Variants in NEGR1 observed in about 807,000 individuals in gnomAD.
NEGR1 encodes neuronal growth regulator 1, also known as IgLON family member 4.
In NEGR1, 10 loss-of-function variants were observed where a neutral mutation model predicts 40.9. That is an observed-to-expected ratio of 0.24 (90% CI 0.15 to 0.42). The LOEUF (loss-of-function observed/expected upper bound fraction) is 0.42, where lower values mean the gene tolerates loss of function less well. NEGR1 is among the 10% of genes least tolerant of loss of function. The pLI, the probability that NEGR1 is intolerant of heterozygous loss-of-function variation, is 1.00. For missense variants in NEGR1, 352 were observed against 438.9 expected (o/e 0.80, Z 1.77); for synonymous variants, 185 against 166.8 (o/e 1.11, Z -0.84).
At chr1:71,462,939 A>G (rs533389586) in intron 6 of NEGR1, among the ~76,000 whole-genome samples, 38 of 152,248 alleles carry the variant, frequency 2.5e-4, no homozygotes, top group Non-Finnish European at 4.7e-4. Context: ...ATAGTAAGAA[A>G]ATCGGATGAA....
At chr1:71,459,989 T>C (rs1216562980) in intron 6 of NEGR1, among the ~76,000 whole-genome samples, 2 of 152,218 alleles carry the variant, frequency 1.3e-5, no homozygotes, top group African/African-American at 4.8e-5. Context: ...ATTTGTATGA[T>C]TACTTCATTA....
At chr1:71,450,191 A>G (rs1250420928) in intron 6 of NEGR1, among the ~76,000 whole-genome samples, 2 of 151,546 alleles carry the variant, frequency 1.3e-5, no homozygotes, top group African/African-American at 4.8e-5. Context: ...GGGTTTCACC[A>G]TGTTGGTTAG....
chr1:71,913,880 C>A (rs1316682273), intron 2 of NEGR1, among the ~76,000 whole-genome samples: 1 of 149,274 alleles, frequency 6.7e-6, no homozygotes, highest in Non-Finnish European at 1.5e-5. Context: ...ACAGTGATAA[C>A]TAAGTACACT....
chr1:72,280,959 G>C (rs936875526), intron 1 of NEGR1, among the ~76,000 whole-genome samples: 10 of 152,118 alleles, frequency 6.6e-5, no homozygotes, highest in African/African-American at 2.4e-4. Flanking sequence ...GGAGGGTGAT[G>C]GGAAAGAAAT....
At chr1:71,873,068 A>G (rs949344739) in intron 2 of NEGR1, among the ~76,000 whole-genome samples, 2 of 151,288 alleles carry the variant, frequency 1.3e-5, no homozygotes, top group African/African-American at 4.9e-5. Flanking sequence ...CTAAACTGGA[A>G]AACGGTAGAA....
At chr1:72,207,271 A>T (rs889547601) in intron 1 of NEGR1, among the ~76,000 whole-genome samples, 2 of 151,912 alleles carry the variant, frequency 1.3e-5, no homozygotes, top group Non-Finnish European at 2.9e-5. Flanking sequence ...ATCTTATCTT[A>T]CTTCATAGGA....
At chr1:72,095,150 A>G (rs1271990212) in intron 1 of NEGR1, among the ~76,000 whole-genome samples, 1 of 152,158 alleles carries the variant, frequency 6.6e-6, no homozygotes, top group African/African-American at 2.4e-5. Context: ...TGTCTATATA[A>G]ATATCCATTA....
At chr1:71,422,680 A>G (rs1050885299) in intron 6 of NEGR1, 1 of 152,198 alleles carries the variant, frequency 6.6e-6, no homozygotes, top group Non-Finnish European at 1.5e-5. Flanking sequence ...GTAAAATGAA[A>G]TAAAACGTGG....
At chr1:72,022,542 T>C (rs12140429) in intron 1 of NEGR1, among the ~76,000 whole-genome samples, 1 of 150,186 alleles carries the variant, frequency 6.7e-6, no homozygotes, top group East Asian at 1.9e-4. Context: ...TTCATATATA[T>C]AAACACACAC....
At chr1:71,701,549 C>T (rs981715119) in intron 3 of NEGR1, among the ~76,000 whole-genome samples, 7 of 151,994 alleles carry the variant, frequency 4.6e-5, no homozygotes, top group African/African-American at 1.7e-4. Context: ...ACTGAGCCCA[C>T]CTGCCTAATC....
intron 1 of NEGR1, among the ~76,000 whole-genome samples, chr1:72,205,770 AAAAAAAAAAAAAAAT>A (rs1653374842): frequency 6.8e-6 from 1 of 147,960 alleles, no homozygotes; most frequent in African/African-American, 2.5e-5. Context: ...AAAAAAAAAA[AAAAAAAAAAAAAAAT>A]ACAAAAATTA....
At chr1:71,598,888 ATATT>A (rs1357914846) in intron 5 of NEGR1, among the ~76,000 whole-genome samples, 1 of 152,150 alleles carries the variant, frequency 6.6e-6, no homozygotes, top group Non-Finnish European at 1.5e-5. Context: ...AAGTTTTCAT[ATATT>A]TGTGTGATTT....
intron 2 of NEGR1, among the ~76,000 whole-genome samples, chr1:71,816,611 TG>T (rs1172328233): frequency 1.3e-5 from 2 of 152,014 alleles, no homozygotes; most frequent in Non-Finnish European, 2.9e-5. Context: ...TACCTCCCTC[TG>T]GGTCCCTCCC....
intron 4 of NEGR1, among the ~76,000 whole-genome samples, chr1:71,657,576 A>G (rs1270798786): frequency 6.6e-6 from 1 of 152,230 alleles, no homozygotes; most frequent in East Asian, 1.9e-4. Flanking sequence ...AGGAAAGCAT[A>G]TTTTAATAAT....
At position 71,430,767 on chromosome 1, in the gene NEGR1, C is replaced by A. The variant is rs1433448930; in HGVS notation, c.941-23197G>T. 2.2e-5 allele frequency among the ~76,000 whole-genome samples: 3 copies of A among 135,496 alleles called. No homozygotes were observed. In the South Asian group the frequency reaches 7.0e-4, roughly 32 times the overall value. The allele number at this position is 135,496 out of a possible 152,430, so 88.9% of individuals were successfully genotyped here. On this transcript the variant is annotated intron_variant, in intron 6 of 6. Coordinates refer to ENST00000357731, the MANE Select transcript of NEGR1 (RefSeq NM_173808.3). ...TGTCACCCAGGCTGGAGTGCAGTGG[C>A]GCGATCTCGGCTCACTGCAAGCTCC...
intron 6 of NEGR1, among the ~76,000 whole-genome samples, chr1:71,486,133 C>T (rs530623739): frequency 2.6e-5 from 4 of 151,686 alleles, no homozygotes; most frequent in African/African-American, 4.8e-5. Flanking sequence ...TTCTAGATTT[C>T]GGCCATTCTA....
chr1:71,806,142 T>C (rs1657762274), intron 2 of NEGR1, among the ~76,000 whole-genome samples: 3 of 152,138 alleles, frequency 2.0e-5, no homozygotes, highest in Non-Finnish European at 2.9e-5. Flanking sequence ...GCTTTTTCCA[T>C]TGGACAGGTT....
Position 71,905,864 on chromosome 1 carries a change from CA to C in NEGR1, c.409+29214del, listed in dbSNP as rs34891986. ...TGTTAAATTAATTGGGAGGTTGTTA[CA>C]AAAAAAAAAAAAAAAGAAAGGCTGA... On this transcript the variant is annotated intron_variant, in intron 2 of 6. Transcript: ENST00000357731. Among the ~76,000 whole-genome samples, 847 of 106,620 alleles carry C rather than the reference CA, an allele frequency of 7.9e-3. 2 individuals carry two copies. The highest frequency in any genetic ancestry group is 0.02 in the African/African-American group (478 of 23,940). 69.9% of individuals were successfully genotyped at this position (106,620 alleles called of 152,430 possible).
intron 1 of NEGR1, among the ~76,000 whole-genome samples, chr1:72,240,497 C>G: frequency 6.6e-6 from 1 of 151,686 alleles, no homozygotes; most frequent in East Asian, 1.9e-4. Flanking sequence ...TAAACAAGAT[C>G]CCAAGCATTT....
Sources: gnomAD v4.1 joint callset for allele counts (sites outside exome capture counted in the v4.1 genomes callset) on GRCh38, gnomAD v4.1.1 for gene constraint, MANE v1.5 for transcripts, NCBI Gene and HGNC (gene_info 2026-07-23, HGNC 2026-07-21) for gene names.